CDH4: variants seen among roughly 807,000 people sequenced by gnomAD.
CDH4 encodes cadherin-4.
CDH4 carries 33 observed loss-of-function variants against 86.0 expected under a neutral mutation model. The ratio of observed to expected loss-of-function variants is 0.38; its 90% CI spans 0.29 to 0.51. The LOEUF is 0.51. Ranked by LOEUF, CDH4 falls within the 20% of genes least tolerant of loss-of-function variation. The pLI, the probability that CDH4 is intolerant of heterozygous loss-of-function variation, is 0.86. For synonymous variants in CDH4, 555 were observed against 549.4 expected, an observed-to-expected ratio of 1.01 and a Z score of -0.14; for missense variants, 1,114 against 1,307.4, an observed-to-expected ratio of 0.85 and a Z score of 2.28.
intron 4 of CDH4, among the ~76,000 whole-genome samples, chr20:61,774,743 T>C (rs1191142435): frequency 6.6e-6 from 1 of 152,222 alleles, no homozygotes; most frequent in Non-Finnish European, 1.5e-5. Context: ...TTCTCATCAT[T>C]CAGCTCCCAC....
chr20:61,814,376 C>A (rs1280868172), intron 4 of CDH4, among the ~76,000 whole-genome samples: 4 of 152,178 alleles, frequency 2.6e-5, no homozygotes, highest in Non-Finnish European at 4.4e-5. Flanking sequence ...AAAACCTGTC[C>A]CTCACTGTGG....
intron 7 of CDH4, among the ~76,000 whole-genome samples, chr20:61,893,195 A>C (rs554401697): frequency 8.6e-6 from 1 of 116,634 alleles, no homozygotes; most frequent in East Asian, 3.1e-4. Context: ...GGATAAATGA[A>C]TGGGTGGCTG....
At chr20:61,382,132 T>G (rs1203344834) in intron 2 of CDH4, among the ~76,000 whole-genome samples, 2 of 152,104 alleles carry the variant, frequency 1.3e-5, no homozygotes, top group African/African-American at 2.4e-5. Flanking sequence ...AGCAGAAATG[T>G]TTAATGGAAA....
chr20:61,620,568 G>A (rs943063341), intron 2 of CDH4, among the ~76,000 whole-genome samples: 2 of 152,200 alleles, frequency 1.3e-5, no homozygotes, highest in Non-Finnish European at 2.9e-5. Flanking sequence ...GAGAAATAAA[G>A]AGGTGGATAG....
At chr20:61,611,513 G>A (rs1291068362) in intron 2 of CDH4, among the ~76,000 whole-genome samples, 2 of 151,982 alleles carry the variant, frequency 1.3e-5, no homozygotes, top group African/African-American at 4.8e-5. Flanking sequence ...TGTGGGCAAG[G>A]CTCCCTCTGG....
chr20:61,854,092 T>C (rs1315064083), intron 6 of CDH4, among the ~76,000 whole-genome samples: 1 of 152,172 alleles, frequency 6.6e-6, no homozygotes, highest in Non-Finnish European at 1.5e-5. Context: ...ACCACACCCC[T>C]GGCCAGTGCC....
chr20:61,413,371 C>T (rs2085130189), intron 2 of CDH4, among the ~76,000 whole-genome samples: 1 of 152,126 alleles, frequency 6.6e-6, no homozygotes, highest in African/African-American at 2.4e-5. Context: ...GGTGTGTCAC[C>T]AGCTTGCCCT....
chr20:61,416,774 C>T (rs997249204), intron 2 of CDH4, among the ~76,000 whole-genome samples: 2 of 152,202 alleles, frequency 1.3e-5, no homozygotes, highest in East Asian at 3.9e-4. Flanking sequence ...GGGCGAGTCT[C>T]CCCGCAGCTC....
chr20:61,501,068 C>T lies in CDH4; in HGVS notation c.170-242495C>T, dbSNP rs1004459664. ...ATGGGGAGGAGAGAACTTTCTTCTC[C>T]GACAGACGGTTCATGATTTCCAAGG... On this transcript the variant is annotated intron_variant, in intron 2 of 15. Coordinates refer to ENST00000614565, the MANE Select transcript of CDH4 (RefSeq NM_001794.5). This position sits in a 1 kb window ranked among gnomAD's most constrained non-coding sequence, Gnocchi z 4.2. 2.0e-5 allele frequency among the ~76,000 whole-genome samples: 3 copies of T among 152,154 alleles called. No individual in the cohort carries two copies. Among genetic ancestry groups the T allele is most frequent in the South Asian group, 2.1e-4 (1 of 4,820 alleles).
At chr20:61,783,785 A>G (rs1168345799) in intron 4 of CDH4, among the ~76,000 whole-genome samples, 4 of 101,010 alleles carry the variant, frequency 4.0e-5, no homozygotes, top group African/African-American at 1.1e-4. Context: ...ACAGTTCTCG[A>G]GGCCCTCAGG....
chr20:61,546,579 G>A (rs746738348), intron 2 of CDH4, among the ~76,000 whole-genome samples: 1 of 151,396 alleles, frequency 6.6e-6, no homozygotes, highest in South Asian at 2.1e-4. Context: ...CAGAAATCAG[G>A]GCAGGGAGGG....
intron 2 of CDH4, among the ~76,000 whole-genome samples, chr20:61,425,660 G>A (rs966531254): frequency 1.3e-5 from 2 of 152,238 alleles, no homozygotes; most frequent in Non-Finnish European, 2.9e-5. Flanking sequence ...GGCGCAGCCT[G>A]GACAGGACAT....
intron 4 of CDH4, among the ~76,000 whole-genome samples, chr20:61,797,703 C>T (rs1307720761): frequency 1.2e-4 from 18 of 152,200 alleles, no homozygotes. Flanking sequence ...AGCAGGATTG[C>T]TTGAGCACAG....
At chr20:61,854,709 T>G (rs1982909262) in intron 6 of CDH4, among the ~76,000 whole-genome samples, 1 of 139,556 alleles carries the variant, frequency 7.2e-6, no homozygotes, top group Non-Finnish European at 1.5e-5. Flanking sequence ...AGGGCTGCAG[T>G]GTGAACAGGG....
chr20:61,789,848 G>T (rs182412046), intron 4 of CDH4, among the ~76,000 whole-genome samples: 2 of 152,192 alleles, frequency 1.3e-5, no homozygotes, highest in East Asian at 3.8e-4. Flanking sequence ...TGAAGACTTT[G>T]TCTCTATAAA....
At chr20:61,643,696 C>T (rs899699794) in intron 2 of CDH4, among the ~76,000 whole-genome samples, 2 of 152,386 alleles carry the variant, frequency 1.3e-5, no homozygotes, top group African/African-American at 2.4e-5. Context: ...TCATTGGCCA[C>T]GGTGGCTCTT....
intron 1 of CDH4, among the ~76,000 whole-genome samples, chr20:61,254,119 G>T (rs2084083687): frequency 6.6e-6 from 1 of 152,228 alleles, no homozygotes; most frequent in South Asian, 2.1e-4. Context: ...GAGCTCCGGA[G>T]GACAGGAGGA....
At chr20:61,396,161 G>A (rs941094831) in intron 2 of CDH4, among the ~76,000 whole-genome samples, 2 of 152,164 alleles carry the variant, frequency 1.3e-5, no homozygotes, top group African/African-American at 2.4e-5. Context: ...GTATAGCCCT[G>A]AAAGCCTAAA....
chr20:61,783,549 C>A (rs1248596671), intron 4 of CDH4, among the ~76,000 whole-genome samples: 3 of 144,874 alleles, frequency 2.1e-5, no homozygotes. Flanking sequence ...CTCCGATATC[C>A]TGTGCCCCTG....
Sources: gnomAD v4.1 joint callset for allele counts (sites outside exome capture counted in the v4.1 genomes callset) on GRCh38, gnomAD v4.1.1 for gene constraint, Gnocchi (gnomAD v3.1) non-coding constraint, MANE v1.5 for transcripts, NCBI Gene and HGNC (gene_info 2026-07-23, HGNC 2026-07-21) for gene names.